Variants in CDKN2B-AS1 observed in about 807,000 individuals in gnomAD.
CDKN2B-AS1 encodes the protein CDKN2B and CDKN2A antisense cis and trans regulatory RNA 1.
chr9:22,093,912 T>G (rs1003611267), intron 4 of CDKN2B-AS1, among the ~76,000 whole-genome samples: 1 of 144,808 alleles, frequency 6.9e-6, no homozygotes, highest in Admixed American at 6.7e-5. Flanking sequence ...CTTCCTAGCC[T>G]TGATGGTCTT....
intron 1 of CDKN2B-AS1, among the ~76,000 whole-genome samples, chr9:22,035,402 G>C (rs916141052): frequency 1.6e-4 from 25 of 152,186 alleles, no homozygotes; most frequent in Middle Eastern, 6.8e-3. Flanking sequence ...ACATAGATAT[G>C]GGTGCATGTG....
At chr9:22,102,390 T>A (rs1208193724) in intron 4 of CDKN2B-AS1, among the ~76,000 whole-genome samples, 2 of 152,214 alleles carry the variant, frequency 1.3e-5, no homozygotes, top group Non-Finnish European at 2.9e-5. Context: ...TATCACAAAC[T>A]TGATGGCTTT....
chr9:22,009,200 T>A, intron 1 of CDKN2B-AS1: 2 of 616,972 alleles, frequency 3.2e-6, no homozygotes, highest in Non-Finnish European at 2.9e-6. Flanking sequence ...GGATTGCTTC[T>A]GGGAAAAAGC....
At chr9:22,043,427 C>G (rs1198899067) in intron 1 of CDKN2B-AS1, among the ~76,000 whole-genome samples, 1 of 151,926 alleles carries the variant, frequency 6.6e-6, no homozygotes, top group Non-Finnish European at 1.5e-5. Flanking sequence ...CACACACAGA[C>G]ACACATGCGC....
chr9:22,112,630 A>G (rs969787963), intron 4 of CDKN2B-AS1, among the ~76,000 whole-genome samples: 3 of 152,230 alleles, frequency 2.0e-5, no homozygotes, highest in Non-Finnish European at 4.4e-5. Flanking sequence ...AGATAAAACA[A>G]TAATTCTTCA....
Position 22,116,323 on chromosome 9 carries a change from C to G in CDKN2B-AS1, n.439-10780C>G, listed in dbSNP as rs144299949. Reference sequence around the variant, plus strand: ...GGTTTATTTCTTCAACTAGTATTTACTGAATGGTCTTATGTGCCACAACTG... The same window carrying G: ...GGTTTATTTCTTCAACTAGTATTTAGTGAATGGTCTTATGTGCCACAACTG... On this transcript the variant is annotated intron_variant and non_coding_transcript_variant, in intron 4 of 4. Transcript: ENST00000650946. Among the ~76,000 whole-genome samples, 33 of 152,264 alleles carry G rather than the reference C, an allele frequency of 2.2e-4. No individual in the cohort carries two copies. The East Asian group carries it at 3.9e-3, about 18-fold the overall frequency.
In CDKN2B-AS1 at chr9:22,084,221, A is replaced by G. The variant is rs565089239; in HGVS notation, n.438+27834A>G. ...ATAATTGAGCCAGAATTTGAGCCCA[A>G]GTCTCTTTCTGACTCTAGGCTTAGA... On this transcript the variant is annotated intron_variant and non_coding_transcript_variant, in intron 4 of 4. Coordinates refer to ENST00000650946, the Ensembl canonical transcript of CDKN2B-AS1. Among the ~76,000 whole-genome samples the G allele has an allele frequency of 3.5e-4, 54 of 152,322 alleles. No homozygotes were observed. In the South Asian group the frequency reaches 0.011, roughly 31 times the overall value.
chr9:21,999,756 C>T lies in CDKN2B-AS1; in HGVS notation n.29+4595C>T, dbSNP rs1009432808. Among the ~76,000 whole-genome samples the T allele has an allele frequency of 1.3e-5, 2 of 151,982 alleles. No individual in the cohort carries two copies. Among genetic ancestry groups the T allele is most frequent in the African/African-American group, 4.8e-5 (2 of 41,396 alleles). On this transcript the variant is annotated intron_variant and non_coding_transcript_variant, in intron 1 of 4. Transcript: ENST00000650946. The surrounding 1 kb of genome is among the most constrained non-coding windows in gnomAD (Gnocchi z 4.7). ...TTTTGTTGTTGTTGTTGTTAGGGCT[C>T]ATTCATAAAATAATAAAACTGTGCA... is the stretch of plus-strand genomic sequence containing the variant.
Position 21,997,654 on chromosome 9 carries a change from A to G in CDKN2B-AS1, n.29+2493A>G, listed in dbSNP as rs1258349555. ...AATTTCTTCTTCCTTGAGGGACCTC[A>G]GTCATTTCTCTTAAGCTCTTCAACT... On this transcript the variant is annotated intron_variant and non_coding_transcript_variant, in intron 1 of 4. Coordinates refer to ENST00000650946, the Ensembl canonical transcript of CDKN2B-AS1. The surrounding 1 kb of genome is among the most constrained non-coding windows in gnomAD (Gnocchi z 4.8). 2.6e-5 allele frequency among the ~76,000 whole-genome samples: 4 copies of G among 152,184 alleles called. No individual in the cohort carries two copies. Among genetic ancestry groups the G allele is most frequent in the Non-Finnish European group, 5.9e-5 (4 of 68,032 alleles).
intron 4 of CDKN2B-AS1, among the ~76,000 whole-genome samples, chr9:22,104,286 G>A (rs1825584211): frequency 6.6e-6 from 1 of 152,290 alleles, no homozygotes; most frequent in South Asian, 2.1e-4. Flanking sequence ...TAGATGGCAT[G>A]CTATAAAATG....
At chr9:22,128,064 T>C (rs775568896) in exon 5 of CDKN2B-AS1, among the ~76,000 whole-genome samples, 1 of 152,232 alleles carries the variant, frequency 6.6e-6, no homozygotes, top group Non-Finnish European at 1.5e-5. Context: ...AGACTAGATA[T>C]AATATTAAAA....
chr9:22,102,840 T>G (rs1457488546), intron 4 of CDKN2B-AS1, among the ~76,000 whole-genome samples: 3 of 152,022 alleles, frequency 2.0e-5, no homozygotes, highest in Non-Finnish European at 1.5e-5. Context: ...CTAACAAGGG[T>G]GTGGCCAGCA....
chr9:22,061,986 C>T (rs542131576), intron 4 of CDKN2B-AS1: 2 of 152,178 alleles, frequency 1.3e-5, no homozygotes, highest in African/African-American at 2.4e-5. Flanking sequence ...CAGAAGCCTA[C>T]GAAGAACTCA....
intron 4 of CDKN2B-AS1, among the ~76,000 whole-genome samples, chr9:22,086,912 C>T (rs553696898): frequency 7.3e-4 from 111 of 152,338 alleles, no homozygotes; most frequent in African/African-American, 2.6e-3. Flanking sequence ...TTATCAGCCT[C>T]TCTGTGCCCC....
chr9:22,122,682 C>T (rs1018987806), intron 4 of CDKN2B-AS1, among the ~76,000 whole-genome samples: 1 of 152,034 alleles, frequency 6.6e-6, no homozygotes, highest in Non-Finnish European at 1.5e-5. Flanking sequence ...TTCTTGATAT[C>T]TTTGTTAAAA....
rs1820904614 is a variant in CDKN2B-AS1 at position 22,001,173 on chromosome 9, GGATA to G, written n.29+6020_29+6023del. Among the ~76,000 whole-genome samples the G allele has an allele frequency of 1.3e-5, 2 of 152,218 alleles. No individual in the cohort carries two copies. Among genetic ancestry groups the G allele is most frequent in the African/African-American group, 4.8e-5 (2 of 41,536 alleles). ...ATAATAGAGAACATTGATAATGAGA[GGATA>G]GATAGATTATGCATTTGGGGAGGAG... On this transcript the variant is annotated intron_variant and non_coding_transcript_variant, in intron 1 of 4. Transcript: ENST00000650946. This position sits in a 1 kb window ranked among gnomAD's most constrained non-coding sequence, Gnocchi z 4.2.
chr9:22,051,780 G>C (rs1823354788), intron 3 of CDKN2B-AS1, among the ~76,000 whole-genome samples: 1 of 151,974 alleles, frequency 6.6e-6, no homozygotes, highest in African/African-American at 2.4e-5. Flanking sequence ...TTGCTTCTAG[G>C]TATATTATAC....
At position 22,005,038 on chromosome 9, in the gene CDKN2B-AS1, C is replaced by T. The variant is rs1821096165; in HGVS notation, n.29+9877C>T. On this transcript the variant is annotated intron_variant and non_coding_transcript_variant, in intron 1 of 4. Transcript: ENST00000650946. This position sits in a 1 kb window ranked among gnomAD's most constrained non-coding sequence, Gnocchi z 4.9. Reference sequence around the variant, plus strand: ...ATCTCCCCATTAAATAAGACAGTTGCTGAACAACTAAAAAGTACAAAATAT... The same window carrying T: ...ATCTCCCCATTAAATAAGACAGTTGTTGAACAACTAAAAAGTACAAAATAT... 4.3e-6 allele frequency: 1 copy of T among 233,184 alleles called. No individual in the cohort carries two copies. The highest frequency in any genetic ancestry group is 6.0e-5 in the East Asian group (1 of 16,576). 14.4% of individuals were successfully genotyped at this position (233,184 alleles called of 1,614,324 possible). A position where few individuals can be genotyped will look rare whatever the true frequency, so the allele number is the denominator to read the frequency against.
chr9:22,012,381 G>C, intron 1 of CDKN2B-AS1: 1 of 906,172 alleles, frequency 1.1e-6, no homozygotes, highest in Non-Finnish European at 1.8e-6. Flanking sequence ...CTGCGAGGTG[G>C]CATTATTGAG....
Sources: gnomAD v4.1 joint callset for allele counts (sites outside exome capture counted in the v4.1 genomes callset) on GRCh38, gnomAD v4.1.1 for gene constraint, Gnocchi (gnomAD v3.1) non-coding constraint, MANE v1.5 for transcripts, NCBI Gene and HGNC (gene_info 2026-07-23, HGNC 2026-07-21) for gene names.